Variants in CNOT4 observed in about 807,000 individuals in gnomAD.
CNOT4 encodes CCR4-NOT transcription complex subunit 4, also known as CCR4-associated factor 4.
A neutral mutation model predicts 73.8 loss-of-function variants in CNOT4; 8 were observed. The observed-to-expected ratio is 0.11, with a 90% CI of 0.06 to 0.20. The LOEUF is 0.20. Ranked by LOEUF, CNOT4 falls within the 10% of genes least tolerant of loss-of-function variation. CNOT4 has a pLI of 1.00. For missense variants in CNOT4, 564 were observed against 883.4 expected (o/e 0.64, Z 4.58); for synonymous variants, 293 against 321.1 (o/e 0.91, Z 0.94).
At chr7:135,415,100 C>CT in intron 4 of CNOT4, 76 bp downstream of exon 4, 1 of 846,232 alleles carries the variant, frequency 1.2e-6, no homozygotes, top group South Asian at 1.5e-5. Flanking sequence ...TCAGAGAGAG[C>CT]AAAGTTTCCT....
intron 1 of CNOT4, among the ~76,000 whole-genome samples, chr7:135,496,042 T>C (rs1325714270): frequency 6.6e-6 from 1 of 152,146 alleles, no homozygotes; most frequent in East Asian, 1.9e-4. Flanking sequence ...ATGCTCCTAT[T>C]ATATTGTTTT....
At chr7:135,445,704 T>C (rs897491914) in intron 1 of CNOT4, among the ~76,000 whole-genome samples, 4 of 152,206 alleles carry the variant, frequency 2.6e-5, no homozygotes, top group Non-Finnish European at 4.4e-5. Context: ...ATGTATTCTA[T>C]GAAAATAATT....
At chr7:135,507,940 C>T (rs1244954528) in intron 1 of CNOT4, among the ~76,000 whole-genome samples, 1 of 152,088 alleles carries the variant, frequency 6.6e-6, no homozygotes, top group Non-Finnish European at 1.5e-5. Flanking sequence ...TTTGGTCCCC[C>T]AAATTGGGGC....
chr7:135,479,198 A>AG (rs1802198754), intron 1 of CNOT4, among the ~76,000 whole-genome samples: 1 of 89,816 alleles, frequency 1.1e-5, no homozygotes, highest in Non-Finnish European at 2.2e-5. Flanking sequence ...TTAGAACCAA[A>AG]TTTTTTTTTT....
At chr7:135,429,252 T>A (rs1017617223) in intron 2 of CNOT4, among the ~76,000 whole-genome samples, 1 of 152,176 alleles carries the variant, frequency 6.6e-6, no homozygotes, top group Non-Finnish European at 1.5e-5. Context: ...TACTATTATA[T>A]CTTCTTTCCT....
Position 135,361,875 on chromosome 7 carries a change from TTAGCGTCAGGTTA to T in CNOT4, c.*997_*1009del, listed in dbSNP as rs754368778. ...GAGGTACATTTCCTTGTTTTTAGTT[TTAGCGTCAGGTTA>T]TAACCAGGTTTCTGTTTTCTTTTCT... On this transcript the variant is annotated 3_prime_UTR_variant, in exon 12 of 12. Coordinates refer to ENST00000541284, the MANE Select transcript of CNOT4 (RefSeq NM_001190850.2). The T allele has an allele frequency of 2.6e-4, 39 of 152,668 alleles. No homozygotes were observed. Among genetic ancestry groups the T allele is most frequent in the African/African-American group, 8.9e-4 (37 of 41,462 alleles). The allele number at this position is 152,668 out of a possible 1,614,324, so 9.5% of individuals were successfully genotyped here. A position where few individuals can be genotyped will look rare whatever the true frequency, so the allele number is the denominator to read the frequency against.
At chr7:135,490,144 T>C (rs3812294) in intron 1 of CNOT4, among the ~76,000 whole-genome samples, 3,429 of 152,312 alleles carry the variant, frequency 0.023, 126 homozygotes, top group African/African-American at 0.071. Flanking sequence ...CAATTTCACA[T>C]ACGATTTCTT....
chr7:135,388,647 G>C, intron 10 of CNOT4: 1 of 1,300,636 alleles, frequency 7.7e-7, no homozygotes, highest in Non-Finnish European at 9.9e-7. Context: ...CAACTATGAG[G>C]TAACACGCTA....
chr7:135,391,420 C>A (rs1187711546), intron 10 of CNOT4, among the ~76,000 whole-genome samples: 1 of 151,860 alleles, frequency 6.6e-6, no homozygotes, highest in Non-Finnish European at 1.5e-5. Context: ...CATTTAAATA[C>A]CAAGCAAGTC....
chr7:135,424,810 CAAACAAAA>C (rs1353863281), intron 2 of CNOT4, among the ~76,000 whole-genome samples: 2 of 150,322 alleles, frequency 1.3e-5, no homozygotes, highest in African/African-American at 4.9e-5. Context: ...AACAAACAAA[CAAACAAAA>C]AAAAACAAAC....
At chr7:135,505,294 C>A (rs1306364651) in intron 1 of CNOT4, among the ~76,000 whole-genome samples, 1 of 152,180 alleles carries the variant, frequency 6.6e-6, no homozygotes, top group Non-Finnish European at 1.5e-5. Flanking sequence ...GTGGCTCACA[C>A]CTGTAATCCC....
intron 7 of CNOT4, among the ~76,000 whole-genome samples, chr7:135,408,321 T>A (rs1251660240): frequency 1.3e-5 from 2 of 152,196 alleles, no homozygotes; most frequent in Non-Finnish European, 2.9e-5. Context: ...TAAAAAATTA[T>A]GTTTTAGTGA....
At chr7:135,454,911 C>T (rs1011818348) in intron 1 of CNOT4, among the ~76,000 whole-genome samples, 1 of 151,980 alleles carries the variant, frequency 6.6e-6, no homozygotes, top group Non-Finnish European at 1.5e-5. Context: ...CAAAACAAAA[C>T]ATTCTGTAAA....
chr7:135,468,605 C>T (rs1271257958), intron 1 of CNOT4, among the ~76,000 whole-genome samples: 1 of 149,704 alleles, frequency 6.7e-6, no homozygotes, highest in Non-Finnish European at 1.5e-5. Flanking sequence ...CGCTTGAACT[C>T]AGGAGGCAGA....
chr7:135,455,459 A>T (rs898516906), intron 1 of CNOT4, among the ~76,000 whole-genome samples: 1 of 152,146 alleles, frequency 6.6e-6, no homozygotes, highest in Admixed American at 6.6e-5. Flanking sequence ...TTAAAAAACA[A>T]TTTCAAAATA....
chr7:135,374,192 T>C (rs554104402), intron 10 of CNOT4, among the ~76,000 whole-genome samples: 3 of 152,262 alleles, frequency 2.0e-5, no homozygotes, highest in Non-Finnish European at 4.4e-5. Context: ...TCAAAGACTT[T>C]GTAGTTAGCT....
rs117508996 is a variant in CNOT4, at chr7:135,479,089, C to T, written c.-93+30800G>A. On this transcript the variant is annotated intron_variant, in intron 1 of 11. Transcript: ENST00000541284. ...GAACAAATTCTTAGAAATGAAATTG[C>T]TAGATGAAGCATGGTATGTGCATTT... is the stretch of plus-strand genomic sequence containing the variant. 5.9e-5 allele frequency among the ~76,000 whole-genome samples: 9 copies of T among 151,446 alleles called. No homozygotes were observed. The East Asian group carries it at 1.7e-3, about 29-fold the overall frequency.
At chr7:135,386,229 T>A (rs1796114272) in intron 10 of CNOT4, 1 of 151,278 alleles carries the variant, frequency 6.6e-6, no homozygotes, top group Non-Finnish European at 1.5e-5. Context: ...ATCTTCTCCC[T>A]AGAAAAAAAT....
chr7:135,370,443 A>T (rs1323527751), intron 10 of CNOT4, among the ~76,000 whole-genome samples: 1 of 152,152 alleles, frequency 6.6e-6, no homozygotes, highest in Non-Finnish European at 1.5e-5. Flanking sequence ...GTTTTTATTC[A>T]ATCTTCCAAA....
Sources: allele counts gnomAD v4.1 joint callset (sites outside exome capture counted in the v4.1 genomes callset), GRCh38; gene constraint gnomAD v4.1.1; transcripts MANE v1.5; gene names NCBI Gene and HGNC (gene_info 2026-07-23, HGNC 2026-07-21).